The following AP3B2 variants were observed in gnomAD, a reference collection of about 807,000 sequenced individuals.
AP3B2 encodes the protein AP-3 complex subunit beta-2.
Under a neutral mutation model 126.9 loss-of-function variants are expected in AP3B2, and 50 were observed. The observed-to-expected ratio is 0.39, with a 90% CI of 0.31 to 0.50. AP3B2 has a LOEUF of 0.50. Ranked by LOEUF, AP3B2 falls within the 20% of genes least tolerant of loss-of-function variation. The pLI is 0.79. For missense variants in AP3B2, 1,177 were observed against 1,426.4 expected (o/e 0.83, Z 2.82); for synonymous variants, 541 against 565.0 (o/e 0.96, Z 0.60).
intron 1 of AP3B2, chr15:82,692,114 G>T (rs567744729): frequency 1.3e-6 from 2 of 1,491,914 alleles, no homozygotes; most frequent in Admixed American, 3.7e-5. Context: ...CCCCGACTTC[G>T]TAAGTCCTGG....
intron 1 of AP3B2, among the ~76,000 whole-genome samples, chr15:82,698,902 AG>A (rs904984155): frequency 4.6e-5 from 7 of 152,174 alleles, no homozygotes; most frequent in Non-Finnish European, 1.0e-4. Flanking sequence ...CAGCCAGCAC[AG>A]GTAAGATTGA....
At chr15:82,674,092 C>G (rs115407969) in intron 14 of AP3B2, among the ~76,000 whole-genome samples, 1,730 of 152,238 alleles carry the variant, frequency 0.011, 37 homozygotes, top group African/African-American at 0.04. Flanking sequence ...GGGCAGAGGC[C>G]TCATCTTGGT....
intron 1 of AP3B2, among the ~76,000 whole-genome samples, chr15:82,703,714 A>T (rs2048755344): frequency 6.6e-6 from 1 of 152,002 alleles, no homozygotes; most frequent in Non-Finnish European, 1.5e-5. Context: ...GCATTCTTTT[A>T]CACATCGGTC....
chr15:82,679,658 T>C (rs2048299498), intron 10 of AP3B2, 71 bp downstream of exon 10: 1 of 1,412,620 alleles, frequency 7.1e-7, no homozygotes, highest in Admixed American at 1.7e-5. Flanking sequence ...GGGGGGCCAC[T>C]GTGAGTTATT....
At chr15:82,670,122 G>GGGAC (rs1370261153) in intron 14 of AP3B2, among the ~76,000 whole-genome samples, 1 of 134,700 alleles carries the variant, frequency 7.4e-6, no homozygotes, top group African/African-American at 2.8e-5. Context: ...TGGCGGGGGG[G>GGGAC]GACGAAGATG....
chr15:82,671,741 C>A (rs1161151600), intron 14 of AP3B2, among the ~76,000 whole-genome samples: 1 of 142,442 alleles, frequency 7.0e-6, no homozygotes, highest in African/African-American at 2.6e-5. Context: ...AACACCATCT[C>A]AAAAAAAAAC....
chr15:82,679,840 C>G, intron 9 of AP3B2, 40 bp from the exon 10 acceptor site: 1 of 1,584,934 alleles, frequency 6.3e-7, no homozygotes. Context: ...CACCGAAGCC[C>G]CAGGCCTGCC....
rs748846757 is a variant in AP3B2, at chr15:82,689,459, G to C, written c.114-6C>G. The stretch of plus-strand genomic sequence containing the variant: ...TCTCCTTCAGGTCATCATGCCTGGT[G>C]GGAGGTACAAGAAGTCAGCTGAGGG... On this transcript the variant is annotated splice_region_variant and splice_polypyrimidine_tract_variant and intron_variant, in intron 1 of 26. Transcript: ENST00000535359. The C allele has an allele frequency of 6.2e-7, 1 of 1,612,852 alleles. No individual in the cohort carries two copies. The highest frequency in any genetic ancestry group is 8.5e-7 in the Non-Finnish European group (1 of 1,179,490).
At chr15:82,689,525 C>T (rs551249506) in intron 1 of AP3B2, 72 bp from the exon 2 acceptor site, 3 of 1,463,024 alleles carry the variant, frequency 2.1e-6, no homozygotes, top group African/African-American at 1.4e-5. Context: ...AGGGTCCAGG[C>T]ACAAAGAAGG....
chr15:82,696,164 G>A (rs1285596959), intron 1 of AP3B2, among the ~76,000 whole-genome samples: 1 of 152,142 alleles, frequency 6.6e-6, no homozygotes, highest in Non-Finnish European at 1.5e-5. Flanking sequence ...TCACCTCAAA[G>A]GTAACATTCT....
At chr15:82,666,986 G>T in intron 14 of AP3B2, 53 bp from the exon 15 acceptor site, 5 of 1,553,068 alleles carry the variant, frequency 3.2e-6, no homozygotes, top group Non-Finnish European at 4.4e-6. Context: ...GGACACAGGA[G>T]GCTCAGAAAC....
chr15:82,661,717 A>C, intron 25 of AP3B2, 108 bp downstream of exon 25: 1 of 867,612 alleles, frequency 1.2e-6, no homozygotes. Flanking sequence ...AAGTTTGCTG[A>C]CCCCTGGTCT....
chr15:82,659,331 T>C lies in AP3B2; in HGVS notation c.*229A>G. The C allele has an allele frequency of 2.0e-6, 1 of 502,330 alleles. No individual in the cohort carries two copies. The highest frequency in any genetic ancestry group is 3.5e-6 in the Non-Finnish European group (1 of 284,442). The allele number at this position is 502,330 out of a possible 1,614,324, so 31.1% of individuals were successfully genotyped here. On this transcript the variant is annotated 3_prime_UTR_variant, in exon 27 of 27. Coordinates refer to ENST00000535359, the MANE Select transcript of AP3B2 (RefSeq NM_001278512.2). ...TGCTACATAAATAGCTACAGAAATC[T>C]GGGAGGACTGAAGGGAGTGGCTGCC...
In AP3B2 at chr15:82,663,057, T is replaced by C. The variant is rs146408983; in HGVS notation, c.2604+70A>G. 165 of 1,503,860 alleles carry C rather than the reference T, an allele frequency of 1.1e-4. No individual in the cohort carries two copies. In the East Asian group the frequency reaches 3.7e-3, roughly 33 times the overall value. The allele number at this position is 1,503,860 out of a possible 1,614,324, so 93.2% of individuals were successfully genotyped here. A position where few individuals can be genotyped will look rare whatever the true frequency, so the allele number is the denominator to read the frequency against. On this transcript the variant is annotated intron_variant, in intron 22 of 26. Transcript: ENST00000535359. Reference sequence around the variant, plus strand: ...CCATCACACCCACCCCCCACACACATCCACACCATAGGATGCAGCACAGGG... The same window carrying C: ...CCATCACACCCACCCCCCACACACACCCACACCATAGGATGCAGCACAGGG...
chr15:82,675,822 T>C (rs1257404234), intron 14 of AP3B2, among the ~76,000 whole-genome samples: 8 of 152,124 alleles, frequency 5.3e-5, no homozygotes, highest in Non-Finnish European at 1.5e-5. Context: ...ATCGTCATGG[T>C]GTTTGATGTC....
intron 3 of AP3B2, 44 bp downstream of exon 3, chr15:82,689,114 T>G (rs764610226): frequency 6.2e-7 from 1 of 1,603,572 alleles, no homozygotes; most frequent in Non-Finnish European, 8.5e-7. Context: ...AGTGTGGTCC[T>G]GGGGGAGGTG....
rs1221932761 is a variant in AP3B2, at chr15:82,680,054, C to T, written c.1110+121G>A. 1 of 1,401,994 alleles carries T rather than the reference C, an allele frequency of 7.1e-7. No individual in the cohort carries two copies. The highest frequency in any genetic ancestry group is 9.8e-7 in the Non-Finnish European group (1 of 1,024,768). 86.8% of individuals were successfully genotyped at this position (1,401,994 alleles called of 1,614,324 possible). A position where few individuals can be genotyped will look rare whatever the true frequency, so the allele number is the denominator to read the frequency against. On this transcript the variant is annotated intron_variant, in intron 9 of 26. Transcript: ENST00000535359. The surrounding 1 kb of genome is among the most constrained non-coding windows in gnomAD (Gnocchi z 6.1). ...GGAGCCTCCCCTGCCCCATCCTCTGCACAGCCAGGGTATTCCTCCATCTTC... is the reference window on the plus strand; with the variant it reads ...GGAGCCTCCCCTGCCCCATCCTCTGTACAGCCAGGGTATTCCTCCATCTTC...
intron 12 of AP3B2, 63 bp downstream of exon 12, chr15:82,677,608 G>A (rs990947131): frequency 3.4e-6 from 5 of 1,482,072 alleles, no homozygotes; most frequent in Non-Finnish European, 4.5e-6. Context: ...GTGGCCAGCA[G>A]AGTCAGACCT....
intron 15 of AP3B2, among the ~76,000 whole-genome samples, chr15:82,666,519 C>T (rs1353916195): frequency 3.3e-5 from 5 of 152,162 alleles, no homozygotes; most frequent in Non-Finnish European, 7.3e-5. Flanking sequence ...ACAAGTCCAT[C>T]CTGGCCAGGA....
Sources: gnomAD v4.1 joint callset for allele counts (sites outside exome capture counted in the v4.1 genomes callset) on GRCh38, gnomAD v4.1.1 for gene constraint, Gnocchi (gnomAD v3.1) non-coding constraint, MANE v1.5 for transcripts, NCBI Gene and HGNC (gene_info 2026-07-23, HGNC 2026-07-21) for gene names.